KDM4C: variants seen among roughly 807,000 people sequenced by gnomAD.
The protein encoded by KDM4C is lysine demethylase 4C, also known as lysine-specific demethylase 4C.
Under a neutral mutation model 129.3 loss-of-function variants are expected in KDM4C, and 81 were observed. That is an observed-to-expected ratio of 0.63 (90% CI 0.52 to 0.75). The LOEUF (loss-of-function observed/expected upper bound fraction) is 0.75. KDM4C is among the 30% of genes least tolerant of loss of function. The pLI is 0.00. For synonymous variants in KDM4C, 573 were observed against 456.1 expected (o/e 1.26, Z -3.26); for missense variants, 1,457 against 1,304.0 (o/e 1.12, Z -1.81).
intron 1 of KDM4C, among the ~76,000 whole-genome samples, chr9:6,736,833 T>C (rs1817540443): frequency 6.6e-6 from 1 of 151,882 alleles, no homozygotes; most frequent in Non-Finnish European, 1.5e-5. Flanking sequence ...GGGGGATCAC[T>C]TGAGACCAGG....
chr9:7,013,825 A>G lies in KDM4C; in HGVS notation c.2006A>G (p.Glu669Gly). ...AATGAAGAAAATGATGCTAGATGGG[A>G]GACAAAATTAGATGAAGTCGTTACA... ...SSNEENDARWETKLDEVVTSE... is the reference protein window; with the variant it reads ...SSNEENDARWGTKLDEVVTSE... Residue 669 changes from glutamate (E) to glycine (G), a missense_variant, in exon 14 of 22, where the codon GAG (glutamate) becomes GGG (glycine). Coordinates refer to ENST00000381309, the MANE Select transcript of KDM4C (RefSeq NM_015061.6). 6.2e-7 allele frequency: 1 copy of G among 1,613,986 alleles called. No individual in the cohort carries two copies. Among genetic ancestry groups the G allele is most frequent in the Non-Finnish European group, 8.5e-7 (1 of 1,179,896 alleles).
chr9:6,957,006 C>T (rs1208326531), intron 8 of KDM4C, among the ~76,000 whole-genome samples: 1 of 152,130 alleles, frequency 6.6e-6, no homozygotes, highest in Non-Finnish European at 1.5e-5. Flanking sequence ...ACAGTTGCAG[C>T]TCTTACATTT....
rs779606475 is a variant in KDM4C at position 6,888,781 on chromosome 9, GT to G, written c.783+742del. On this transcript the variant is annotated intron_variant, in intron 7 of 21. Transcript: ENST00000381309. Reference sequence around the variant, plus strand: ...AAAAAATAGCTCTTCCTTCTTCTGTGTTTTTTTTTTTTTTTTTTTTTTTTGA... The same window carrying G: ...AAAAAATAGCTCTTCCTTCTTCTGTGTTTTTTTTTTTTTTTTTTTTTTTGA... Among the ~76,000 whole-genome samples the G allele has an allele frequency of 3.0e-4, 34 of 115,052 alleles. 1 individual carries two copies. The highest frequency in any genetic ancestry group is 1.1e-3 in the East Asian group (4 of 3,646). The allele number at this position is 115,052 out of a possible 152,430, so 75.5% of individuals were successfully genotyped here. A position where few individuals can be genotyped will look rare whatever the true frequency, so the allele number is the denominator to read the frequency against.
In KDM4C at chr9:7,011,790, A is replaced by C; in HGVS notation, c.1879A>C (p.Asn627His). 1 of 1,614,076 alleles carries C rather than the reference A, an allele frequency of 6.2e-7. No homozygotes were observed. The highest frequency in any genetic ancestry group is 8.5e-7 in the Non-Finnish European group (1 of 1,179,930). ...CCACCTTTGGCAGACGAAGTCCCCT[A>C]ACTTCGCAGCTGAGCAAGAGTATAA... ...LIHLWQTKSP[N>H]FAAEQEYNAT... The change falls in exon 13 of 22, where the codon AAC (asparagine) becomes CAC (histidine). Residue 627 changes from asparagine (N) to histidine (H), a missense_variant. By Grantham distance (68) the Asn-to-His change is moderately conservative. Transcript: ENST00000381309.
chr9:6,980,710 A>G (rs565011555), intron 8 of KDM4C, among the ~76,000 whole-genome samples: 48 of 152,194 alleles, frequency 3.2e-4, no homozygotes, highest in Non-Finnish European at 6.5e-4. Context: ...GAGGTCCACA[A>G]ACCATTATAA....
intron 8 of KDM4C, among the ~76,000 whole-genome samples, chr9:6,953,040 C>T (rs540444383): frequency 6.6e-6 from 1 of 152,186 alleles, no homozygotes; most frequent in South Asian, 2.1e-4. Flanking sequence ...AAATGTAATG[C>T]ATTATCTGAG....
At chr9:6,797,146 AT>A (rs1230304734) in intron 2 of KDM4C, among the ~76,000 whole-genome samples, 1 of 151,354 alleles carries the variant, frequency 6.6e-6, no homozygotes, top group African/African-American at 2.4e-5. Context: ...CGCCTGGGTA[AT>A]TTTTTTTATT....
intron 8 of KDM4C, among the ~76,000 whole-genome samples, chr9:6,937,091 A>G (rs1824941313): frequency 6.6e-6 from 1 of 152,214 alleles, no homozygotes; most frequent in African/African-American, 2.4e-5. Flanking sequence ...CAAGTAAGTT[A>G]TTGTAGTCAA....
intron 12 of KDM4C, among the ~76,000 whole-genome samples, chr9:7,001,476 T>G (rs568689089): frequency 5.3e-5 from 8 of 152,336 alleles, no homozygotes; most frequent in Admixed American, 2.0e-4. Context: ...GAGGTAGAGC[T>G]GACAGGACCA....
chr9:6,758,935 C>T lies in KDM4C; in HGVS notation c.-18+732C>T, dbSNP rs927474578. ...GAGCTTGGGGTTTTCCTCTGTGCTCCGCCAGTAAAGCCAGCAGCCGGGATT... is the reference window on the plus strand; with the variant it reads ...GAGCTTGGGGTTTTCCTCTGTGCTCTGCCAGTAAAGCCAGCAGCCGGGATT... On this transcript the variant is annotated intron_variant, in intron 1 of 21. Coordinates refer to ENST00000381309, the MANE Select transcript of KDM4C (RefSeq NM_015061.6). The surrounding 1 kb of genome is among the most constrained non-coding windows in gnomAD (Gnocchi z 4.6). Among the ~76,000 whole-genome samples, 6 of 152,124 alleles carry T rather than the reference C, an allele frequency of 3.9e-5. No individual in the cohort carries two copies. The highest frequency in any genetic ancestry group is 8.8e-5 in the Non-Finnish European group (6 of 68,034).
rs1837757210 is a variant in KDM4C at position 7,106,914 on chromosome 9, A to G, written c.2610+3044A>G. On this transcript the variant is annotated intron_variant, in intron 18 of 21. Transcript: ENST00000381309. ...TACATTATTCCATCAAGCAGTAAGC[A>G]GAGTTTATAATTAGAATAGGCAGTG... Among the ~76,000 whole-genome samples, 6 of 152,164 alleles carry G rather than the reference A, an allele frequency of 3.9e-5. No homozygotes were observed. In the South Asian group the frequency reaches 1.2e-3, roughly 31 times the overall value.
chr9:6,960,308 G>A (rs1372438659), intron 8 of KDM4C, among the ~76,000 whole-genome samples: 1 of 145,516 alleles, frequency 6.9e-6, no homozygotes, highest in Non-Finnish European at 1.5e-5. Context: ...TTTAAATACA[G>A]GGTCTCTGTC....
At chr9:6,965,757 G>A (rs1830850770) in intron 8 of KDM4C, among the ~76,000 whole-genome samples, 1 of 152,170 alleles carries the variant, frequency 6.6e-6, no homozygotes, top group African/African-American at 2.4e-5. Context: ...CAGCTTGTTA[G>A]ATGGAGCCTA....
chr9:6,851,537 A>G (rs1838845629), intron 5 of KDM4C, among the ~76,000 whole-genome samples: 1 of 152,152 alleles, frequency 6.6e-6, no homozygotes, highest in Admixed American at 6.5e-5. Flanking sequence ...TGAATTCAAC[A>G]TGTTAATAAA....
At chr9:6,867,378 T>G (rs1333770057) in intron 5 of KDM4C, among the ~76,000 whole-genome samples, 1 of 152,222 alleles carries the variant, frequency 6.6e-6, no homozygotes, top group Non-Finnish European at 1.5e-5. Context: ...AGCTTGCTTC[T>G]ATAGCACCAT....
At chr9:7,035,927 C>G (rs1475375729) in intron 15 of KDM4C, among the ~76,000 whole-genome samples, 3 of 152,108 alleles carry the variant, frequency 2.0e-5, no homozygotes, top group Non-Finnish European at 1.5e-5. Flanking sequence ...TGTGATGCCT[C>G]TAGCTTTGAT....
At chr9:6,743,492 A>G (rs1817771307) in intron 1 of KDM4C, among the ~76,000 whole-genome samples, 1 of 151,704 alleles carries the variant, frequency 6.6e-6, no homozygotes, top group Non-Finnish European at 1.5e-5. Flanking sequence ...ACAAAGAATA[A>G]CACAATATTT....
intron 5 of KDM4C, among the ~76,000 whole-genome samples, chr9:6,857,128 G>A (rs1840003514): frequency 6.6e-6 from 1 of 152,078 alleles, no homozygotes; most frequent in African/African-American, 2.4e-5. Flanking sequence ...CGAAGTCCTG[G>A]GATTATAGGC....
At chr9:7,136,218 T>A (rs190283018) in intron 19 of KDM4C, among the ~76,000 whole-genome samples, 120 of 152,380 alleles carry the variant, frequency 7.9e-4, no homozygotes, top group Middle Eastern at 6.8e-3. Flanking sequence ...ACATTTTGTT[T>A]ATCCATTCAC....
Sources: gnomAD v4.1 joint callset for allele counts (sites outside exome capture counted in the v4.1 genomes callset) on GRCh38, gnomAD v4.1.1 for gene constraint, Gnocchi (gnomAD v3.1) non-coding constraint, MANE v1.5 for transcripts, NCBI Gene and HGNC (gene_info 2026-07-23, HGNC 2026-07-21) for gene names.